Variants in NUP153 observed in about 807,000 individuals in gnomAD.
NUP153 encodes nuclear pore complex protein Nup153.
A neutral mutation model predicts 134.6 loss-of-function variants in NUP153; 27 were observed. The observed-to-expected ratio is 0.20, with a 90% CI of 0.15 to 0.28. The LOEUF (loss-of-function observed/expected upper bound fraction) is 0.28, where lower values mean the gene tolerates loss of function less well. Among genes scored for constraint, NUP153 ranks in the 10% least tolerant of loss-of-function variants. NUP153 has a pLI of 1.00. For missense variants in NUP153, 1,821 were observed against 1,731.3 expected (o/e 1.05, Z -0.92); for synonymous variants, 640 against 623.5 (o/e 1.03, Z -0.40).
intron 2 of NUP153, among the ~76,000 whole-genome samples, chr6:17,678,908 T>G (rs925020859): frequency 1.3e-5 from 2 of 150,050 alleles, no homozygotes; most frequent in Non-Finnish European, 3.0e-5. Flanking sequence ...ATGGCACCAC[T>G]GCACTCCAGC....
intron 14 of NUP153, among the ~76,000 whole-genome samples, chr6:17,640,783 A>AT (rs112052068): frequency 0.057 from 8,376 of 146,524 alleles, 638 homozygotes; most frequent in East Asian, 0.29. Context: ...CATCTAGCTC[A>AT]TTTTTTTTTT....
At chr6:17,687,682 G>C (rs1350282156) in intron 2 of NUP153, among the ~76,000 whole-genome samples, 2 of 152,124 alleles carry the variant, frequency 1.3e-5, no homozygotes, top group Non-Finnish European at 2.9e-5. Flanking sequence ...TTATTTATTT[G>C]AGACTTTAAC....
chr6:17,649,559 C>G (rs185468653), intron 11 of NUP153, among the ~76,000 whole-genome samples: 887 of 44,724 alleles, frequency 0.02, 7 homozygotes, highest in Non-Finnish European at 0.03. Flanking sequence ...GTAATTCTTA[C>G]GATATACTAC....
intron 14 of NUP153, among the ~76,000 whole-genome samples, chr6:17,642,404 G>A (rs1356078951): frequency 2.0e-5 from 3 of 152,094 alleles, no homozygotes; most frequent in Admixed American, 6.5e-5. Context: ...GGTAAAGGAC[G>A]TGAAAGGCAT....
chr6:17,679,860 C>T (rs1008623668), intron 2 of NUP153, among the ~76,000 whole-genome samples: 3 of 152,018 alleles, frequency 2.0e-5, no homozygotes, highest in Non-Finnish European at 4.4e-5. Context: ...CTTAGGAGAT[C>T]CAAAATCAAA....
chr6:17,685,030 A>G (rs1056969733), intron 2 of NUP153, among the ~76,000 whole-genome samples: 1 of 152,252 alleles, frequency 6.6e-6, no homozygotes, highest in East Asian at 1.9e-4. Flanking sequence ...AGTGACAGAC[A>G]TGTTAGCGTG....
intron 18 of NUP153, among the ~76,000 whole-genome samples, chr6:17,626,549 A>G (rs1450397832): frequency 6.6e-6 from 1 of 152,306 alleles, no homozygotes. Flanking sequence ...CATAACTTCA[A>G]TTTATCTAAA....
chr6:17,689,103 T>G (rs1335850368), intron 1 of NUP153, among the ~76,000 whole-genome samples: 2 of 151,752 alleles, frequency 1.3e-5, no homozygotes, highest in African/African-American at 4.8e-5. Context: ...TAAAACAATC[T>G]GGCCAAGCGA....
At chr6:17,660,250 T>C (rs193076846) in intron 11 of NUP153, among the ~76,000 whole-genome samples, 3 of 152,314 alleles carry the variant, frequency 2.0e-5, no homozygotes, top group East Asian at 1.9e-4. Flanking sequence ...AGGAAAAGCA[T>C]GTTTAAAAAG....
intron 2 of NUP153, among the ~76,000 whole-genome samples, chr6:17,686,704 C>G (rs924251569): frequency 2.0e-5 from 3 of 151,130 alleles, no homozygotes; most frequent in African/African-American, 2.4e-5. Flanking sequence ...AAAAACAGTA[C>G]TATAGAAAAA....
rs1764348449 is a variant in NUP153 at position 17,616,665 on chromosome 6, G to A, written c.4205C>T (p.Thr1402Ile). 5.0e-6 allele frequency: 8 copies of A among 1,613,596 alleles called. No homozygotes were observed. In the South Asian group the frequency reaches 5.5e-5, roughly 11 times the overall value. Residue 1402 changes from threonine to isoleucine, a missense_variant, in exon 21 of 22, where the codon ACA (threonine) becomes ATA (isoleucine). Transcript: ENST00000262077. The stretch of plus-strand genomic sequence containing the variant: ...ACTGTTGTTTGTGAAGTTGAAATTT[G>A]TAGTGCTGCTGCCAAACTGGAAAGC... ...SSAFQFGSST[T>I]NFNFTNNSPS...
chr6:17,706,181 G>T lies in NUP153; in HGVS notation c.111+96C>A. 2.0e-6 allele frequency: 2 copies of T among 998,736 alleles called. No homozygotes were observed. The highest frequency in any genetic ancestry group is 3.1e-6 in the Non-Finnish European group (2 of 644,506). 61.9% of individuals were successfully genotyped at this position (998,736 alleles called of 1,614,324 possible). A position where few individuals can be genotyped will look rare whatever the true frequency, so the allele number is the denominator to read the frequency against. On this transcript the variant is annotated intron_variant, in intron 1 of 21. Transcript: ENST00000262077. The surrounding 1 kb of genome is among the most constrained non-coding windows in gnomAD (Gnocchi z 5.9). The stretch of plus-strand genomic sequence containing the variant: ...CTCGGGCCTTTCCTCAGGCCCTCCT[G>T]TCTGCTCCACGTGGGGCGCCGGGGC...
chr6:17,672,510 T>C (rs1767976107), intron 5 of NUP153, among the ~76,000 whole-genome samples: 1 of 152,078 alleles, frequency 6.6e-6, no homozygotes, highest in African/African-American at 2.4e-5. Flanking sequence ...CAGGAGGTTC[T>C]GGTTGCAGTG....
At chr6:17,670,660 T>C (rs1767851102) in intron 5 of NUP153, among the ~76,000 whole-genome samples, 1 of 152,200 alleles carries the variant, frequency 6.6e-6, no homozygotes, top group South Asian at 2.1e-4. Context: ...AAATGCACTT[T>C]ATCAGGTAGA....
In NUP153 at chr6:17,625,017, T is replaced by TGAAACATACTAAATTCATA. The variant is rs1764858212; in HGVS notation, c.3902-203_3902-185dup. Reference sequence around the variant, plus strand: ...TACAACGCTCTCTACCATTATTTAGTGAAACATACTAAATTCATATAAACA... The same window carrying TGAAACATACTAAATTCATA: ...TACAACGCTCTCTACCATTATTTAGTGAAACATACTAAATTCATAGAAACATACTAAATTCATATAAACA... On this transcript the variant is annotated intron_variant, in intron 19 of 21. Transcript: ENST00000262077. This position sits in a 1 kb window ranked among gnomAD's most constrained non-coding sequence, Gnocchi z 4.7. Among the ~76,000 whole-genome samples, 2 of 152,196 alleles carry TGAAACATACTAAATTCATA rather than the reference T, an allele frequency of 1.3e-5. No individual in the cohort carries two copies. The highest frequency in any genetic ancestry group is 1.3e-4 in the Admixed American group (2 of 15,288).
intron 11 of NUP153, among the ~76,000 whole-genome samples, chr6:17,655,032 A>C (rs1215476869): frequency 6.6e-6 from 1 of 152,230 alleles, no homozygotes; most frequent in African/African-American, 2.4e-5. Context: ...ATACAAGACA[A>C]GAGCAAGCAA....
chr6:17,621,307 A>G (rs1764632275), intron 20 of NUP153, among the ~76,000 whole-genome samples: 1 of 152,194 alleles, frequency 6.6e-6, no homozygotes, highest in Admixed American at 6.5e-5. Flanking sequence ...GTTTCTCAAA[A>G]AATCTAAAAA....
At chr6:17,624,937 C>T in intron 19 of NUP153, 104 bp from the exon 20 acceptor site, 1 of 1,154,528 alleles carries the variant, frequency 8.7e-7, no homozygotes, top group Non-Finnish European at 1.2e-6. Flanking sequence ...TCGTTTCAGA[C>T]TCTTACCTTG....
At chr6:17,632,886 T>C (rs1765335398) in intron 16 of NUP153, 42 bp from the exon 17 acceptor site, 5 of 1,464,132 alleles carry the variant, frequency 3.4e-6, no homozygotes, top group Admixed American at 4.7e-5. Flanking sequence ...GGAGATTTCA[T>C]GAAAATTTTA....
Sources: gnomAD v4.1 joint callset for allele counts (sites outside exome capture counted in the v4.1 genomes callset) on GRCh38, gnomAD v4.1.1 for gene constraint, Gnocchi (gnomAD v3.1) non-coding constraint, MANE v1.5 for transcripts, NCBI Gene and HGNC (gene_info 2026-07-23, HGNC 2026-07-21) for gene names.